The following IDE variants were observed in gnomAD, a reference collection of about 807,000 sequenced individuals.
The protein encoded by IDE is insulin degrading enzyme.
IDE carries 58 observed loss-of-function variants against 133.2 expected under a neutral mutation model. The observed-to-expected ratio is 0.44, with a 90% CI of 0.35 to 0.54. The LOEUF is 0.54. IDE is among the 20% of genes least tolerant of loss of function. The probability of loss-of-function intolerance (pLI) is 0.00; values close to 1 mark genes in which losing one functional copy is unlikely to be tolerated. For missense variants in IDE, 981 were observed against 1,234.0 expected (o/e 0.79, Z 3.07); for synonymous variants, 396 against 421.3 (o/e 0.94, Z 0.73).
chr10:92,484,535 T>A (rs1846849942), intron 13 of IDE, among the ~76,000 whole-genome samples: 1 of 151,836 alleles, frequency 6.6e-6, no homozygotes, highest in Non-Finnish European at 1.5e-5. Flanking sequence ...GAGTTCGAGA[T>A]CAGCCTGGCC....
chr10:92,473,380 G>A lies in IDE; in HGVS notation c.2116+1461C>T, dbSNP rs974631690. On this transcript the variant is annotated intron_variant, in intron 17 of 24. Transcript: ENST00000265986. ...TTTTTCCAGTAAAGAAATCCTGAAA[G>A]TAATTTCTTTACATTCAATAGGCAT... Among the ~76,000 whole-genome samples, 14 of 151,858 alleles carry A rather than the reference G, an allele frequency of 9.2e-5. No homozygotes were observed. The South Asian group carries it at 1.9e-3, about 20-fold the overall frequency.
At chr10:92,544,363 G>A (rs913948469) in intron 1 of IDE, among the ~76,000 whole-genome samples, 48 of 152,094 alleles carry the variant, frequency 3.2e-4, no homozygotes, top group Middle Eastern at 6.8e-3. Context: ...GTGGTGGGTC[G>A]TAACAGCTGT....
intron 1 of IDE, among the ~76,000 whole-genome samples, chr10:92,540,112 G>A (rs903233004): frequency 1.3e-5 from 2 of 151,934 alleles, no homozygotes; most frequent in Admixed American, 6.6e-5. Flanking sequence ...ACATGGTGGC[G>A]GGTGCCTGTA....
chr10:92,465,409 T>C (rs1020775201), intron 20 of IDE, among the ~76,000 whole-genome samples: 1 of 152,194 alleles, frequency 6.6e-6, no homozygotes, highest in Non-Finnish European at 1.5e-5. Context: ...AGCTTGTCCT[T>C]AGTATCCTTT....
At chr10:92,481,004 C>T in intron 14 of IDE, 4 of 490,038 alleles carry the variant, frequency 8.2e-6, no homozygotes, top group Non-Finnish European at 1.1e-5. Context: ...TCCAAATATT[C>T]TCCAACTGGA....
intron 1 of IDE, among the ~76,000 whole-genome samples, chr10:92,549,326 GATTTT>G (rs1251796557): frequency 6.6e-6 from 1 of 151,942 alleles, no homozygotes; most frequent in Non-Finnish European, 1.5e-5. Context: ...TTATAGTTCT[GATTTT>G]ATTACCCCCA....
intron 22 of IDE, among the ~76,000 whole-genome samples, chr10:92,456,868 A>AAAAAAG (rs1564586608): frequency 2.0e-5 from 3 of 147,638 alleles, no homozygotes; most frequent in Non-Finnish European, 3.0e-5. Context: ...AAAAAAAAAA[A>AAAAAAG]AAAAAGAAAA....
chr10:92,513,916 G>C (rs772475062), intron 5 of IDE, among the ~76,000 whole-genome samples: 1 of 152,002 alleles, frequency 6.6e-6, no homozygotes, highest in Admixed American at 6.6e-5. Context: ...TTTAATACCT[G>C]AGGTATTAAT....
In IDE at chr10:92,574,029, C is replaced by A; in HGVS notation, c.-10G>T. On this transcript the variant is annotated 5_prime_UTR_variant, in exon 1 of 25. Coordinates refer to ENST00000265986, the MANE Select transcript of IDE (RefSeq NM_004969.4). The stretch of plus-strand genomic sequence containing the variant: ...CTAGCCGGTACCGCATTAGCCAGCG[C>A]AGTCGCCGGGATCACCGCAAACGCT... 1 of 1,508,498 alleles carries A rather than the reference C, an allele frequency of 6.6e-7. No individual in the cohort carries two copies. Among genetic ancestry groups the A allele is most frequent in the Non-Finnish European group, 8.8e-7 (1 of 1,130,862 alleles). The allele number at this position is 1,508,498 out of a possible 1,614,324, so 93.4% of individuals were successfully genotyped here.
chr10:92,502,456 T>C (rs530766203), intron 11 of IDE, among the ~76,000 whole-genome samples: 55 of 152,340 alleles, frequency 3.6e-4, no homozygotes, highest in Admixed American at 2.4e-3. Context: ...TGTTGCTATA[T>C]ATAGATATGC....
Position 92,514,977 on chromosome 10 carries a change from T to C in IDE, c.727A>G (p.Lys243Glu). 1 of 1,611,452 alleles carries C rather than the reference T, an allele frequency of 6.2e-7. No homozygotes were observed. The change falls in exon 5 of 25, where the codon AAA (lysine) becomes GAA (glutamate). Residue 243 changes from lysine to glutamate, a missense_variant. By Grantham distance (56) the Lys-to-Glu change is moderately conservative. Coordinates refer to ENST00000265986, the MANE Select transcript of IDE (RefSeq NM_004969.4). Reference protein sequence around the residue: ...EGIDVRQELLKFHSAYYSSNL... With the variant: ...EGIDVRQELLEFHSAYYSSNL... ...GATGAATAGTAAGCAGAATGGAATT[T>C]CAGTAGCTCTTGTCTTACATCAATG...
Position 92,507,665 on chromosome 10 carries a change from T to C in IDE, c.1155A>G (p.Leu385=). ...INVDLTEEGL[L]HVEDIILHMF... is the part of the protein sequence containing the mutation. Reference sequence around the variant, plus strand: ...TGTGCAAAATTATATCTTCAACATGTACTGGAAAAAAGGGGCACACTTAAA... The same window carrying C: ...TGTGCAAAATTATATCTTCAACATGCACTGGAAAAAAGGGGCACACTTAAA... Residue 385 remains leucine, a splice_region_variant and synonymous_variant, in exon 9 of 25, where the codon TTA becomes TTG. Coordinates refer to ENST00000265986, the MANE Select transcript of IDE (RefSeq NM_004969.4). 6.4e-7 allele frequency: 1 copy of C among 1,554,440 alleles called. No homozygotes were observed. Among genetic ancestry groups the C allele is most frequent in the Non-Finnish European group, 8.9e-7 (1 of 1,125,790 alleles).
chr10:92,464,156 T>G (rs1472674334), intron 20 of IDE, among the ~76,000 whole-genome samples, 153 bp from the exon 21 acceptor site: 1 of 152,214 alleles, frequency 6.6e-6, no homozygotes, highest in Non-Finnish European at 1.5e-5. Context: ...TAAGATGGTT[T>G]CAGTTCCTAA....
chr10:92,527,623 C>G (rs2421942), intron 4 of IDE, among the ~76,000 whole-genome samples: 5,121 of 152,220 alleles, frequency 0.034, 140 homozygotes, highest in Admixed American at 0.06. Flanking sequence ...ATATTTCTTG[C>G]AACTCTTTCA....
chr10:92,535,587 CAT>C (rs1194844923), intron 2 of IDE, among the ~76,000 whole-genome samples: 1 of 152,168 alleles, frequency 6.6e-6, no homozygotes, highest in Non-Finnish European at 1.5e-5. Flanking sequence ...AATTAGATGA[CAT>C]ATGCAAATCA....
chr10:92,519,178 G>C (rs1404520556), intron 4 of IDE, among the ~76,000 whole-genome samples: 1 of 152,120 alleles, frequency 6.6e-6, no homozygotes, highest in African/African-American at 2.4e-5. Flanking sequence ...ACAAAAAGAT[G>C]TACTCCCCAG....
At chr10:92,532,267 C>CAA (rs59732643) in intron 3 of IDE, among the ~76,000 whole-genome samples, 5 of 104,886 alleles carry the variant, frequency 4.8e-5, no homozygotes, top group East Asian at 5.5e-4. Context: ...GCTAATGCTC[C>CAA]AAAAAAAAAA....
chr10:92,459,033 G>A (rs1392284159), intron 22 of IDE, among the ~76,000 whole-genome samples: 1 of 152,102 alleles, frequency 6.6e-6, no homozygotes, highest in South Asian at 2.1e-4. Context: ...AGCCAAAATG[G>A]GTCAAATCTC....
intron 13 of IDE, among the ~76,000 whole-genome samples, chr10:92,486,299 G>A (rs986399096): frequency 2.6e-5 from 4 of 151,312 alleles, no homozygotes; most frequent in African/African-American, 9.7e-5. Flanking sequence ...ACAGTGAGCC[G>A]AGATCATGCC....
Sources: allele counts gnomAD v4.1 joint callset (sites outside exome capture counted in the v4.1 genomes callset), GRCh38; gene constraint gnomAD v4.1.1; transcripts MANE v1.5; gene names NCBI Gene and HGNC (gene_info 2026-07-23, HGNC 2026-07-21).